GTF2E1: variants seen among roughly 807,000 people sequenced by gnomAD.
GTF2E1 encodes TFIIE alpha subunit.
In GTF2E1, 14 loss-of-function variants were observed where a neutral mutation model predicts 34.9. The observed-to-expected ratio is 0.40, with a 90% confidence interval of 0.27 to 0.63. The LOEUF is 0.63. GTF2E1 is among the 20% of genes least tolerant of loss of function. GTF2E1 has a pLI of 0.39. For missense variants in GTF2E1, 469 were observed against 557.7 expected (o/e 0.84, Z 1.60); for synonymous variants, 188 against 192.9 (o/e 0.97, Z 0.21).
intron 1 of GTF2E1, among the ~76,000 whole-genome samples, chr3:120,743,599 A>G (rs1576353681): frequency 1.3e-5 from 2 of 152,108 alleles, no homozygotes. Context: ...GGAAAGAGCC[A>G]TGGAACACGT....
chr3:120,767,412 C>A (rs1399604653), intron 2 of GTF2E1, among the ~76,000 whole-genome samples: 1 of 152,150 alleles, frequency 6.6e-6, no homozygotes, highest in African/African-American at 2.4e-5. Context: ...GATAATGCCA[C>A]CCTCCAGTGC....
chr3:120,778,916 C>T (rs1169868475), intron 4 of GTF2E1, among the ~76,000 whole-genome samples: 1 of 152,118 alleles, frequency 6.6e-6, no homozygotes, highest in Non-Finnish European at 1.5e-5. Flanking sequence ...CTTTTCTGCC[C>T]ACGTATACAA....
In GTF2E1 at chr3:120,781,711, T is replaced by TTTTA; in HGVS notation, c.*244_*245insATTT. ...AGTATTAATATTTTACTGTATTTTC[T>TTTTA]TTTCTTTTTTTTTTTTTTTTGGAGA... On this transcript the variant is annotated 3_prime_UTR_variant, in exon 5 of 5. Coordinates refer to ENST00000283875, the MANE Select transcript of GTF2E1 (RefSeq NM_005513.3). The TTTTA allele has an allele frequency of 2.6e-6, 1 of 382,114 alleles. No individual in the cohort carries two copies. The highest frequency in any genetic ancestry group is 4.6e-6 in the Non-Finnish European group (1 of 218,740). 23.7% of individuals were successfully genotyped at this position (382,114 alleles called of 1,614,324 possible).
chr3:120,780,994 A>G (rs1709441577), intron 4 of GTF2E1, 49 bp from the exon 5 acceptor site: 1 of 1,237,340 alleles, frequency 8.1e-7, no homozygotes, highest in African/African-American at 1.5e-5. Context: ...GCTATAAAGA[A>G]ATGCCATTTA....
At position 120,781,443 on chromosome 3, in the gene GTF2E1, A is replaced by G. The variant is rs1192281994; in HGVS notation, c.1293A>G (p.Gln431=). The G allele has an allele frequency of 1.9e-6, 3 of 1,613,552 alleles. No homozygotes were observed. The highest frequency in any genetic ancestry group is 2.5e-6 in the Non-Finnish European group (3 of 1,179,482). ...EEKEAYIAMG[Q]RMFEDLFE is the part of the protein sequence containing the mutation. The stretch of plus-strand genomic sequence containing the variant: ...AGGAAGCATATATAGCAATGGGACA[A>G]CGCATGTTTGAGGACCTCTTTGAGT... Residue 431 remains glutamine, a synonymous_variant, in exon 5 of 5, where the codon CAA becomes CAG. Transcript: ENST00000283875.
chr3:120,755,526 T>G (rs1472826025), intron 2 of GTF2E1, among the ~76,000 whole-genome samples: 4 of 152,190 alleles, frequency 2.6e-5, no homozygotes, highest in Non-Finnish European at 4.4e-5. Context: ...TATATGTTTA[T>G]GGGGTACATG....
At chr3:120,756,834 G>A (rs1709213699) in intron 2 of GTF2E1, among the ~76,000 whole-genome samples, 1 of 152,060 alleles carries the variant, frequency 6.6e-6, no homozygotes, top group Admixed American at 6.6e-5. Flanking sequence ...GCTGAGGCAG[G>A]AGAATCCTTT....
chr3:120,765,679 T>G (rs1423702960), intron 2 of GTF2E1, among the ~76,000 whole-genome samples: 1 of 152,234 alleles, frequency 6.6e-6, no homozygotes, highest in Non-Finnish European at 1.5e-5. Context: ...AAGCGTTCAT[T>G]TCCTTGTATG....
chr3:120,765,021 C>A (rs1709295212), intron 2 of GTF2E1, among the ~76,000 whole-genome samples: 1 of 150,836 alleles, frequency 6.6e-6, no homozygotes, highest in African/African-American at 2.4e-5. Flanking sequence ...TTACCAATCC[C>A]TTCCCCCCAC....
chr3:120,750,647 T>C lies in GTF2E1; in HGVS notation c.95T>C (p.Leu32Ser). ...GGATTTTATGGCATTGAGCATGCCT[T>C]GGCCTTGGACATCTTGATCAGGAAC... The part of the protein sequence containing the change: ...IRGFYGIEHA[L>S]ALDILIRNSC... Residue 32 changes from leucine (L) to serine (S), a missense_variant, in exon 2 of 5, where the codon TTG becomes TCG. By Grantham distance (145) the Leu-to-Ser change is moderately radical. Coordinates refer to ENST00000283875, the MANE Select transcript of GTF2E1 (RefSeq NM_005513.3). The C allele has an allele frequency of 6.2e-7, 1 of 1,614,054 alleles. No individual in the cohort carries two copies. Among genetic ancestry groups the C allele is most frequent in the Non-Finnish European group, 8.5e-7 (1 of 1,179,932 alleles).
intron 1 of GTF2E1, 132 bp downstream of exon 1, chr3:120,742,926 C>T (rs1290066619): frequency 3.6e-5 from 8 of 223,752 alleles, no homozygotes; most frequent in Admixed American, 3.2e-4. Context: ...TCCTCTTGGT[C>T]CTCCAAAGAA....
At chr3:120,754,406 C>T (rs1354631221) in intron 2 of GTF2E1, among the ~76,000 whole-genome samples, 1 of 152,058 alleles carries the variant, frequency 6.6e-6, no homozygotes, top group Non-Finnish European at 1.5e-5. Flanking sequence ...TCTTAATGTA[C>T]CAAACTCTCC....
chr3:120,750,319 A>T (rs947866667), intron 1 of GTF2E1, among the ~76,000 whole-genome samples: 2 of 152,194 alleles, frequency 1.3e-5, no homozygotes, highest in African/African-American at 2.4e-5. Flanking sequence ...TAGATCATAA[A>T]AGTAGCCATT....
chr3:120,759,999 G>A (rs941073913), intron 2 of GTF2E1, among the ~76,000 whole-genome samples: 3 of 152,138 alleles, frequency 2.0e-5, no homozygotes, highest in Non-Finnish European at 4.4e-5. Context: ...GCTTGATGGG[G>A]ATAACATTGA....
At chr3:120,744,776 T>G (rs1192255816) in intron 1 of GTF2E1, among the ~76,000 whole-genome samples, 1 of 152,222 alleles carries the variant, frequency 6.6e-6, no homozygotes, top group Admixed American at 6.5e-5. Flanking sequence ...GTTCCTCATA[T>G]TGGTATAAGA....
chr3:120,752,278 A>G (rs781742428), intron 2 of GTF2E1, among the ~76,000 whole-genome samples: 4 of 152,206 alleles, frequency 2.6e-5, no homozygotes, highest in Non-Finnish European at 5.9e-5. Flanking sequence ...AGTGTTCTAT[A>G]GAGGAAGGTT....
At chr3:120,775,439 G>C (rs981133227) in intron 3 of GTF2E1, among the ~76,000 whole-genome samples, 2 of 152,186 alleles carry the variant, frequency 1.3e-5, no homozygotes, top group African/African-American at 4.8e-5. Context: ...TAGCTGGACA[G>C]AGCGGGAGGT....
At chr3:120,754,182 C>G (rs1709189315) in intron 2 of GTF2E1, among the ~76,000 whole-genome samples, 1 of 152,082 alleles carries the variant, frequency 6.6e-6, no homozygotes, top group African/African-American at 2.4e-5. Flanking sequence ...GCATGCTTCT[C>G]CTGAAGGGCA....
intron 4 of GTF2E1, among the ~76,000 whole-genome samples, chr3:120,777,791 T>C (rs1355040217): frequency 1.3e-5 from 2 of 152,242 alleles, no homozygotes; most frequent in Non-Finnish European, 2.9e-5. Context: ...AGTGGTGCGA[T>C]CTTGGCTCAC....
Sources: allele counts gnomAD v4.1 joint callset (sites outside exome capture counted in the v4.1 genomes callset), GRCh38; gene constraint gnomAD v4.1.1; transcripts MANE v1.5; gene names NCBI Gene and HGNC (gene_info 2026-07-23, HGNC 2026-07-21).